The following TENM2 variants were observed in gnomAD, a reference collection of about 807,000 sequenced individuals.
TENM2 encodes the protein teneurin-2.
A neutral mutation model predicts 245.2 loss-of-function variants in TENM2; 52 were observed. The ratio of observed to expected loss-of-function variants is 0.21; its 90% CI spans 0.17 to 0.27. The LOEUF is 0.27. Ranked by LOEUF, TENM2 falls within the 10% of genes least tolerant of loss-of-function variation. TENM2 has a pLI of 1.00. For synonymous variants in TENM2, 1,363 were observed against 1,438.9 expected, an observed-to-expected ratio of 0.95 and a Z score of 1.19; for missense variants, 3,046 against 3,666.8, an observed-to-expected ratio of 0.83 and a Z score of 4.37.
intron 25 of TENM2, among the ~76,000 whole-genome samples, chr5:168,242,592 C>G (rs1248350310): frequency 1.3e-5 from 2 of 152,152 alleles, no homozygotes; most frequent in African/African-American, 4.8e-5. Flanking sequence ...AGCAACAACT[C>G]AAACAATGGA....
At chr5:167,895,984 T>C (rs1775186220) in intron 3 of TENM2, among the ~76,000 whole-genome samples, 1 of 152,218 alleles carries the variant, frequency 6.6e-6, no homozygotes, top group Non-Finnish European at 1.5e-5. Context: ...ACCAGGTACT[T>C]GGCCTTAAGG....
intron 2 of TENM2, among the ~76,000 whole-genome samples, chr5:167,776,593 G>GGGAA (rs1437587032): frequency 2.8e-5 from 1 of 36,026 alleles, no homozygotes; most frequent in African/African-American, 8.7e-5. Flanking sequence ...GACCCTGTCT[G>GGGAA]AAAAAAAAAA....
intron 2 of TENM2, among the ~76,000 whole-genome samples, chr5:167,447,499 C>G (rs1002161137): frequency 6.6e-6 from 1 of 152,108 alleles, no homozygotes; most frequent in African/African-American, 2.4e-5. Flanking sequence ...TTTACTTGAT[C>G]CTTGAAGAAC....
intron 5 of TENM2, among the ~76,000 whole-genome samples, chr5:168,020,813 G>A (rs558602609): frequency 1.3e-5 from 2 of 152,140 alleles, no homozygotes; most frequent in Admixed American, 1.3e-4. Flanking sequence ...TCGTTAGAAA[G>A]GTGACATGCC....
At chr5:167,946,859 T>G (rs963406708) in intron 3 of TENM2, among the ~76,000 whole-genome samples, 1 of 152,198 alleles carries the variant, frequency 6.6e-6, no homozygotes, top group African/African-American at 2.4e-5. Context: ...GTACAACACT[T>G]GGCACAGTAC....
rs1442487727 is a variant in TENM2, at chr5:168,004,515, G to GCACACA, written c.1186+11334_1186+11335insACACAC. On this transcript the variant is annotated intron_variant, in intron 5 of 28. Coordinates refer to ENST00000518659, the Ensembl canonical transcript of TENM2. ...ATTTGGGATGCACGCATGCGCGCGC[G>GCACACA]CGCACACACACACACACACACACAC... 4.1e-4 allele frequency among the ~76,000 whole-genome samples: 30 copies of GCACACA among 73,702 alleles called. 1 individual carries two copies. Among genetic ancestry groups the GCACACA allele is most frequent in the African/African-American group, 1.7e-3 (28 of 16,828 alleles). 48.4% of individuals were successfully genotyped at this position (73,702 alleles called of 152,430 possible).
intron 25 of TENM2, among the ~76,000 whole-genome samples, chr5:168,237,085 G>A (rs796101849): frequency 4.0e-5 from 5 of 123,746 alleles, no homozygotes; most frequent in African/African-American, 9.4e-5. Context: ...GCACAATCTC[G>A]GATCACTGCA....
intron 2 of TENM2, among the ~76,000 whole-genome samples, chr5:167,780,888 C>T (rs1764144381): frequency 6.6e-6 from 1 of 152,196 alleles, no homozygotes. Context: ...ACATAACACA[C>T]TGGCAATAGT....
chr5:167,718,460 A>G (rs1322343152), intron 2 of TENM2, among the ~76,000 whole-genome samples: 2 of 152,182 alleles, frequency 1.3e-5, no homozygotes, highest in Admixed American at 1.3e-4. Flanking sequence ...CCTGGAGACA[A>G]TGTACGTGAA....
chr5:167,340,484 T>C (rs1180555573), intron 1 of TENM2, among the ~76,000 whole-genome samples: 1 of 152,232 alleles, frequency 6.6e-6, no homozygotes, highest in Non-Finnish European at 1.5e-5. Flanking sequence ...GTCTACTTTC[T>C]TGCTATGCCC....
intron 2 of TENM2, among the ~76,000 whole-genome samples, chr5:167,517,100 A>G (rs1430332725): frequency 1.3e-5 from 2 of 152,182 alleles, no homozygotes; most frequent in East Asian, 1.9e-4. Flanking sequence ...AGGAAAGGCT[A>G]TAGAGGGAAA....
chr5:167,044,542 A>G, the TENM2 span, among the ~76,000 whole-genome samples: 1 of 152,190 alleles, frequency 6.6e-6, no homozygotes, highest in Admixed American at 6.5e-5. Flanking sequence ...ATGTTGTTTA[A>G]GACCATGAGA....
chr5:167,345,436 G>A (rs1315207478), intron 1 of TENM2, among the ~76,000 whole-genome samples: 2 of 152,058 alleles, frequency 1.3e-5, no homozygotes, highest in Admixed American at 6.5e-5. Context: ...TTGAATCTGG[G>A]GAACATGAAC....
chr5:167,612,635 A>G (rs1250091490), intron 2 of TENM2, among the ~76,000 whole-genome samples: 5 of 152,192 alleles, frequency 3.3e-5, no homozygotes, highest in African/African-American at 1.2e-4. Flanking sequence ...TACACCCTTC[A>G]TTAATTTCAA....
intron 3 of TENM2, among the ~76,000 whole-genome samples, chr5:167,947,252 T>C (rs1483032400): frequency 1.3e-5 from 2 of 152,230 alleles, no homozygotes; most frequent in African/African-American, 2.4e-5. Flanking sequence ...CTGCCATTGC[T>C]ATTATCAGAA....
intron 2 of TENM2, among the ~76,000 whole-genome samples, chr5:167,801,641 G>A (rs142691513): frequency 3.2e-4 from 49 of 152,258 alleles, no homozygotes; most frequent in African/African-American, 1.2e-3. Flanking sequence ...GGAAGCAAGA[G>A]TGAAGGAAGG....
chr5:167,940,667 T>C (rs1779104936), intron 3 of TENM2, among the ~76,000 whole-genome samples: 1 of 152,198 alleles, frequency 6.6e-6, no homozygotes, highest in Non-Finnish European at 1.5e-5. Flanking sequence ...GATCAGGGCC[T>C]TTCTTATTTC....
chr5:168,010,907 C>G (rs1170377440), intron 5 of TENM2, among the ~76,000 whole-genome samples: 3 of 152,242 alleles, frequency 2.0e-5, no homozygotes. Flanking sequence ...GCTCTGCTTC[C>G]TTTTCATAAC....
intron 2 of TENM2, among the ~76,000 whole-genome samples, chr5:167,689,870 C>T (rs1424814456): frequency 6.6e-6 from 1 of 152,124 alleles, no homozygotes; most frequent in Non-Finnish European, 1.5e-5. Flanking sequence ...AAGCGATTCT[C>T]CTGCCTCAGC....
Sources: allele counts gnomAD v4.1 joint callset (sites outside exome capture counted in the v4.1 genomes callset), GRCh38; gene constraint gnomAD v4.1.1; transcripts MANE v1.5; gene names NCBI Gene and HGNC (gene_info 2026-07-23, HGNC 2026-07-21).